NOVA1: variants seen among roughly 807,000 people sequenced by gnomAD.
NOVA1 encodes NOVA alternative splicing regulator 1.
A neutral mutation model predicts 38.0 loss-of-function variants in NOVA1; 7 were observed. The observed-to-expected ratio is 0.18, with a 90% CI of 0.10 to 0.35. The LOEUF is 0.35. NOVA1 is among the 10% of genes least tolerant of loss of function. The pLI, the probability that NOVA1 is intolerant of heterozygous loss-of-function variation, is 1.00. For missense variants in NOVA1, 460 were observed against 616.0 expected, an observed-to-expected ratio of 0.75 and a Z score of 2.68; for synonymous variants, 270 against 232.5, an observed-to-expected ratio of 1.16 and a Z score of -1.47.
At chr14:26,559,797 T>C (rs2138676963) in intron 2 of NOVA1, among the ~76,000 whole-genome samples, 1 of 152,218 alleles carries the variant, frequency 6.6e-6, no homozygotes, top group East Asian at 1.9e-4. Context: ...AGTTTGATAG[T>C]GTTTGATACA....
At chr14:26,484,820 TC>T (rs1037312086) in intron 2 of NOVA1, among the ~76,000 whole-genome samples, 10 of 152,170 alleles carry the variant, frequency 6.6e-5, no homozygotes, top group African/African-American at 2.4e-4. Context: ...CACTTGGCTT[TC>T]AGAATGCCAC....
intron 2 of NOVA1, among the ~76,000 whole-genome samples, chr14:26,550,392 T>C (rs1050311657): frequency 2.6e-5 from 4 of 152,206 alleles, no homozygotes; most frequent in African/African-American, 9.6e-5. Context: ...ACTGATGTTT[T>C]ATAAAAAGAC....
chr14:26,533,140 T>C (rs1889838589), intron 2 of NOVA1, among the ~76,000 whole-genome samples: 1 of 152,222 alleles, frequency 6.6e-6, no homozygotes, highest in Non-Finnish European at 1.5e-5. Context: ...GGAAAACATT[T>C]TGTTCTAATA....
At chr14:26,473,328 CAT>C (rs1239706841) in intron 3 of NOVA1, among the ~76,000 whole-genome samples, 6 of 151,470 alleles carry the variant, frequency 4.0e-5, no homozygotes, top group Non-Finnish European at 8.9e-5. Flanking sequence ...TTTTAAGTGT[CAT>C]ATGCTCACTA....
chr14:26,544,413 C>T (rs1890661418), intron 2 of NOVA1, among the ~76,000 whole-genome samples: 1 of 151,466 alleles, frequency 6.6e-6, no homozygotes, highest in Admixed American at 6.6e-5. Context: ...TTCCCTACTT[C>T]TAATCCCTGA....
At position 26,597,103 on chromosome 14, in the gene NOVA1, T is replaced by C. The variant is rs1324545751; in HGVS notation, c.136+198A>G. The C allele has an allele frequency of 4.1e-6, 5 of 1,227,922 alleles. No individual in the cohort carries two copies. The South Asian group carries it at 2.1e-4, about 52-fold the overall frequency. 76.1% of individuals were successfully genotyped at this position (1,227,922 alleles called of 1,614,324 possible). A position where few individuals can be genotyped will look rare whatever the true frequency, so the allele number is the denominator to read the frequency against. On this transcript the variant is annotated intron_variant, in intron 1 of 4. Transcript: ENST00000539517. ...TGAATGATAAACACAGAAATGGAAA[T>C]GTGTCGGGGACACCTAGGCGCGGGG...
chr14:26,464,437 A>C (rs1883952902), intron 4 of NOVA1, among the ~76,000 whole-genome samples: 1 of 152,246 alleles, frequency 6.6e-6, no homozygotes, highest in Non-Finnish European at 1.5e-5. Flanking sequence ...TCATGTAAAT[A>C]CACTCTATGA....
chr14:26,520,595 G>GA (rs2138501777), intron 2 of NOVA1, among the ~76,000 whole-genome samples: 1 of 152,162 alleles, frequency 6.6e-6, no homozygotes, highest in Admixed American at 6.5e-5. Flanking sequence ...CGCATTGCCG[G>GA]ACCTAAGCTA....
chr14:26,460,684 T>C (rs1883587230), intron 4 of NOVA1, among the ~76,000 whole-genome samples: 1 of 152,028 alleles, frequency 6.6e-6, no homozygotes, highest in African/African-American at 2.4e-5. Flanking sequence ...AAAAGGGCAA[T>C]TATAGATTTC....
At chr14:26,595,966 G>T (rs1281401876) in intron 1 of NOVA1, 3 of 383,704 alleles carry the variant, frequency 7.8e-6, no homozygotes, top group African/African-American at 6.5e-5. Flanking sequence ...AAGAAGAAAA[G>T]CCCAGGACTG....
intron 2 of NOVA1, among the ~76,000 whole-genome samples, chr14:26,495,162 T>C (rs1035253560): frequency 1.3e-5 from 2 of 152,152 alleles, no homozygotes; most frequent in African/African-American, 4.8e-5. Context: ...GCTTTTCCCA[T>C]AGCAGCCCCT....
chr14:26,570,461 A>G (rs921537615), intron 2 of NOVA1, among the ~76,000 whole-genome samples: 2 of 152,158 alleles, frequency 1.3e-5, no homozygotes, highest in African/African-American at 4.8e-5. Flanking sequence ...AATCCCATCA[A>G]TGGCAAAATT....
At position 26,597,507 on chromosome 14, in the gene NOVA1, C is replaced by CTTTTTTTTTTTTTTTTTTTTTTTTTTTTT. The variant is rs563401938; in HGVS notation, c.-72_-71insAAAAAAAAAAAAAAAAAAAAAAAAAAAAA. 1.6e-6 allele frequency: 1 copy of CTTTTTTTTTTTTTTTTTTTTTTTTTTTTT among 638,022 alleles called. No homozygotes were observed. Among genetic ancestry groups the CTTTTTTTTTTTTTTTTTTTTTTTTTTTTT allele is most frequent in the African/African-American group, 4.9e-5 (1 of 20,612 alleles). 39.5% of individuals were successfully genotyped at this position (638,022 alleles called of 1,614,324 possible). A position where few individuals can be genotyped will look rare whatever the true frequency, so the allele number is the denominator to read the frequency against. ...GTTTTGGCTTTTTCTTTTCTTTTTT[C>CTTTTTTTTTTTTTTTTTTTTTTTTTTTTT]TTTTTTTTTTTTTTTTTTTTTTGCG... On this transcript the variant is annotated 5_prime_UTR_variant, in exon 1 of 5. Transcript: ENST00000539517.
intron 2 of NOVA1, among the ~76,000 whole-genome samples, chr14:26,535,970 C>T (rs1433417681): frequency 7.1e-6 from 1 of 141,764 alleles, no homozygotes; most frequent in Non-Finnish European, 1.5e-5. Context: ...CAAAGCGAGA[C>T]TCCGTCTCAA....
chr14:26,593,105 T>C (rs543108131), intron 2 of NOVA1: 1 of 151,932 alleles, frequency 6.6e-6, no homozygotes, highest in East Asian at 1.9e-4. Flanking sequence ...GAACTTCATA[T>C]ATGTATGAAA....
chr14:26,481,988 T>TTAAAAA (rs922159329), intron 2 of NOVA1, among the ~76,000 whole-genome samples: 138 of 105,940 alleles, frequency 1.3e-3, no homozygotes, highest in Middle Eastern at 4.8e-3. Context: ...TAGATAGAGA[T>TTAAAAA]AAAAAAAAAA....
At chr14:26,496,896 G>C (rs1383264320) in intron 2 of NOVA1, among the ~76,000 whole-genome samples, 1 of 152,082 alleles carries the variant, frequency 6.6e-6, no homozygotes, top group Non-Finnish European at 1.5e-5. Flanking sequence ...GGTTACTGTA[G>C]CCTTGTAGTA....
intron 2 of NOVA1, among the ~76,000 whole-genome samples, chr14:26,502,182 A>C (rs1887289270): frequency 6.6e-6 from 1 of 151,602 alleles, no homozygotes; most frequent in Non-Finnish European, 1.5e-5. Flanking sequence ...TTCTTTACAG[A>C]CCCTGATGTT....
At chr14:26,543,659 G>A (rs535247853) in intron 2 of NOVA1, among the ~76,000 whole-genome samples, 1 of 151,976 alleles carries the variant, frequency 6.6e-6, no homozygotes, top group Non-Finnish European at 1.5e-5. Context: ...ACAAGGCATG[G>A]AATTACAGAA....
Sources: allele counts gnomAD v4.1 joint callset (sites outside exome capture counted in the v4.1 genomes callset), GRCh38; gene constraint gnomAD v4.1.1; transcripts MANE v1.5; gene names NCBI Gene and HGNC (gene_info 2026-07-23, HGNC 2026-07-21).